The following KCNJ18 variants were observed in gnomAD, a reference collection of about 807,000 sequenced individuals.
KCNJ18 encodes the protein potassium inwardly rectifying channel subfamily J member 18, also known as inward rectifier potassium channel 18.
A neutral mutation model predicts 17.3 loss-of-function variants in KCNJ18; 16 were observed. The ratio of observed to expected loss-of-function variants is 0.92; its 90% CI spans 0.62 to 1.40. The LOEUF (loss-of-function observed/expected upper bound fraction) is 1.40, where lower values mean the gene tolerates loss of function less well. KCNJ18 is among the 40% of genes most tolerant of loss of function. The probability of loss-of-function intolerance (pLI) is 0.00; values close to 1 mark genes in which losing one functional copy is unlikely to be tolerated. For synonymous variants in KCNJ18, 185 were observed against 262.6 expected (o/e 0.70, Z 2.86); for missense variants, 462 against 626.8 (o/e 0.74, Z 2.81).
rs1436655942 is a variant in KCNJ18 at position 21,693,264 on chromosome 17, C to T, written c.-179+550C>T. Among the ~76,000 whole-genome samples the T allele has an allele frequency of 6.6e-5, 10 of 152,376 alleles. No homozygotes were observed. The East Asian group carries it at 7.7e-4, about 12-fold the overall frequency. ...CCCTGCCCTGTGACTTCAGGAAATT[C>T]GCTTCTCTGCTCTACGTCTCAGTAC... On this transcript the variant is annotated intron_variant, in intron 1 of 2. Transcript: ENST00000567955.
intron 1 of KCNJ18, among the ~76,000 whole-genome samples, chr17:21,694,935 C>T (rs1480806469): frequency 6.6e-6 from 1 of 152,210 alleles, no homozygotes. Context: ...ACTCACCCAT[C>T]CACTCATTCA....
chr17:21,693,013 C>T (rs1464151798), intron 1 of KCNJ18, among the ~76,000 whole-genome samples: 8 of 152,422 alleles, frequency 5.2e-5, no homozygotes, highest in African/African-American at 1.9e-4. Flanking sequence ...CCTGCCCTCC[C>T]CTGCGGGACG....
At chr17:21,693,162 G>A (rs1377321713) in intron 1 of KCNJ18, among the ~76,000 whole-genome samples, 5 of 152,418 alleles carry the variant, frequency 3.3e-5, no homozygotes, top group South Asian at 4.1e-4. Flanking sequence ...CTCACATGGC[G>A]GCTGCTGTGG....
At chr17:21,694,100 C>G (rs1248325933) in intron 1 of KCNJ18, among the ~76,000 whole-genome samples, 1 of 152,086 alleles carries the variant, frequency 6.6e-6, no homozygotes, top group Non-Finnish European at 1.5e-5. Flanking sequence ...GGTCTGTGTG[C>G]CTGTAAACCA....
Position 21,702,803 on chromosome 17 carries a change from G to C in KCNJ18, c.17G>C (p.Arg6Pro). The C allele has an allele frequency of 6.3e-7, 1 of 1,592,148 alleles. No homozygotes were observed. Among genetic ancestry groups the C allele is most frequent in the East Asian group, 2.3e-5 (1 of 44,002 alleles). Residue 6 changes from arginine (R) to proline (P), a missense_variant, in exon 3 of 3, where the codon CGG becomes CCG. Transcript: ENST00000567955. MTAASRANPYSIVSLE... is the reference protein window; with the variant it reads MTAASPANPYSIVSLE... Reference sequence around the variant, plus strand: ...ACCCCCGGGATGACCGCGGCCAGCCGGGCCAACCCCTACAGCATCGTGTCA... The same window carrying C: ...ACCCCCGGGATGACCGCGGCCAGCCCGGCCAACCCCTACAGCATCGTGTCA...
chr17:21,698,470 G>A (rs1905836219), intron 2 of KCNJ18, among the ~76,000 whole-genome samples: 1 of 152,070 alleles, frequency 6.6e-6, no homozygotes, highest in Non-Finnish European at 1.5e-5. Flanking sequence ...CATGAGGGAT[G>A]GGGGCTGTTG....
At chr17:21,698,883 C>G (rs1905850214) in intron 2 of KCNJ18, among the ~76,000 whole-genome samples, 1 of 152,286 alleles carries the variant, frequency 6.6e-6, no homozygotes, top group African/African-American at 2.4e-5. Context: ...ACTGCCTGCT[C>G]TCTCCCTCCT....
intron 1 of KCNJ18, among the ~76,000 whole-genome samples, chr17:21,695,484 T>TCCAC (rs1905733809): frequency 6.6e-6 from 1 of 152,204 alleles, no homozygotes; most frequent in Non-Finnish European, 1.5e-5. Flanking sequence ...CATCCATCCA[T>TCCAC]CTACCCATTC....
chr17:21,700,634 T>C lies in KCNJ18; in HGVS notation c.-56-2097T>C, dbSNP rs1225827133. On this transcript the variant is annotated intron_variant, in intron 2 of 2. Coordinates refer to ENST00000567955, the MANE Select transcript of KCNJ18 (RefSeq NM_001194958.2). The stretch of plus-strand genomic sequence containing the variant: ...GCGCCTGCTCCGAGGCCCAGACTAG[T>C]GTGGACGTGGCCAGAAGCTGGGTCA... Among the ~76,000 whole-genome samples the C allele has an allele frequency of 8.2e-5, 9 of 110,092 alleles. 2 individuals are homozygous for C. Among genetic ancestry groups the C allele is most frequent in the Non-Finnish European group, 1.7e-4 (9 of 51,768 alleles). 72.2% of individuals were successfully genotyped at this position (110,092 alleles called of 152,430 possible). A position where few individuals can be genotyped will look rare whatever the true frequency, so the allele number is the denominator to read the frequency against.
At position 21,702,929 on chromosome 17, in the gene KCNJ18, A is replaced by G. The variant is rs1169808729; in HGVS notation, c.143A>G (p.Lys48Arg). The change falls in exon 3 of 3, where the codon AAG (lysine) becomes AGG (arginine). Residue 48 changes from lysine to arginine, a missense_variant. Transcript: ENST00000567955. Reference sequence around the variant, plus strand: ...CGCAGGTGCCGCAACCGCTTCGTCAAGAAGAATGGCCAGTGCAACATTGCG... The same window carrying G: ...CGCAGGTGCCGCAACCGCTTCGTCAGGAAGAATGGCCAGTGCAACATTGCG... The part of the protein sequence containing the change: ...TRRRCRNRFV[K>R]KNGQCNIAFA... The G allele has an allele frequency of 1.3e-6, 2 of 1,592,312 alleles. No individual in the cohort carries two copies. Among genetic ancestry groups the G allele is most frequent in the African/African-American group, 2.7e-5 (2 of 74,528 alleles).
chr17:21,703,227 G>T lies in KCNJ18; in HGVS notation c.441G>T (p.Gly147=). 6.2e-7 allele frequency: 1 copy of T among 1,611,344 alleles called. No homozygotes were observed. Among genetic ancestry groups the T allele is most frequent in the Non-Finnish European group, 8.5e-7 (1 of 1,179,450 alleles). ...AGACGCAGACCACCATCGGCTACGG[G>T]CTGCGCTGTGTGACGGAGGAGTGCC... ...SIETQTTIGY[G]LRCVTEECLV... The change falls in exon 3 of 3, where the codon GGG becomes GGT. Residue 147 remains glycine, a synonymous_variant. Transcript: ENST00000567955.
intron 1 of KCNJ18, among the ~76,000 whole-genome samples, chr17:21,694,363 T>C (rs1370216807): frequency 0.54 from 74,499 of 137,866 alleles, 17,081 homozygotes; most frequent in East Asian, 0.82. Context: ...GGCAGGGGGA[T>C]CCCTTTGACA....
chr17:21,693,361 G>A (rs1905660329), intron 1 of KCNJ18, among the ~76,000 whole-genome samples: 2 of 152,420 alleles, frequency 1.3e-5, no homozygotes, highest in South Asian at 4.1e-4. Flanking sequence ...TGTGGTCTGG[G>A]GAATGCCCCT....
At chr17:21,701,985 G>C (rs1403266114) in intron 2 of KCNJ18, among the ~76,000 whole-genome samples, 3 of 152,392 alleles carry the variant, frequency 2.0e-5, no homozygotes, top group Admixed American at 2.0e-4. Context: ...GTGGTCTCAG[G>C]GTGGGGTTGA....
intron 2 of KCNJ18, among the ~76,000 whole-genome samples, chr17:21,697,448 T>C (rs1905794142): frequency 6.6e-6 from 1 of 152,422 alleles, no homozygotes; most frequent in Admixed American, 6.5e-5. Context: ...GAGGTCATCA[T>C]CTTCTTCCCA....
chr17:21,703,821 C>T lies in KCNJ18; in HGVS notation c.1035C>T (p.Phe345=). ...KNQYKIDYSH[F]HKTYEVPSTP... is the part of the protein sequence containing the mutation. ...AGTACAAGATTGACTACTCGCACTT[C>T]CACAAGACCTATGAGGTGCCCTCTA... is the stretch of plus-strand genomic sequence containing the variant. The change falls in exon 3 of 3, where the codon TTC becomes TTT. Residue 345 remains phenylalanine, a synonymous_variant. Transcript: ENST00000567955. 2 of 1,610,236 alleles carry T rather than the reference C, an allele frequency of 1.2e-6. No homozygotes were observed. The highest frequency in any genetic ancestry group is 4.5e-5 in the East Asian group (2 of 44,850).
At position 21,695,096 on chromosome 17, in the gene KCNJ18, C is replaced by A. The variant is rs1269197874; in HGVS notation, c.-178-887C>A. Among the ~76,000 whole-genome samples, 40 of 152,374 alleles carry A rather than the reference C, an allele frequency of 2.6e-4. No individual in the cohort carries two copies. The Middle Eastern group carries it at 0.014, about 52-fold the overall frequency. On this transcript the variant is annotated intron_variant, in intron 1 of 2. Coordinates refer to ENST00000567955, the MANE Select transcript of KCNJ18 (RefSeq NM_001194958.2). ...CCCTCCATTCATTCATCTACCCATCCGCTCAGTCACCCACCCATCTACCCT... is the reference window on the plus strand; with the variant it reads ...CCCTCCATTCATTCATCTACCCATCAGCTCAGTCACCCACCCATCTACCCT...
Position 21,700,551 on chromosome 17 carries a change from G to A in KCNJ18, c.-56-2180G>A, listed in dbSNP as rs1301802130. 4.9e-4 allele frequency among the ~76,000 whole-genome samples: 52 copies of A among 106,458 alleles called. 12 individuals are homozygous for A. Among genetic ancestry groups the A allele is most frequent in the African/African-American group, 1.7e-3 (51 of 29,980 alleles). 69.8% of individuals were successfully genotyped at this position (106,458 alleles called of 152,430 possible). ...CCTGGGAGTGTTCCACAGCCTGGCC[G>A]GGCAGGCGGCTCCACCATCACCTGT... On this transcript the variant is annotated intron_variant, in intron 2 of 2. Transcript: ENST00000567955.
chr17:21,694,238 C>A (rs1905689632), intron 1 of KCNJ18, among the ~76,000 whole-genome samples: 1 of 152,048 alleles, frequency 6.6e-6, no homozygotes. Flanking sequence ...GCCCCATGAA[C>A]TCCATGGCTG....
Sources: allele counts gnomAD v4.1 joint callset (sites outside exome capture counted in the v4.1 genomes callset), GRCh38; gene constraint gnomAD v4.1.1; transcripts MANE v1.5; gene names NCBI Gene and HGNC (gene_info 2026-07-23, HGNC 2026-07-21).